HIVEP3: variants seen among roughly 807,000 people sequenced by gnomAD.
HIVEP3 encodes transcription factor HIVEP3.
In HIVEP3, 49 loss-of-function variants were observed where a neutral mutation model predicts 152.8. The observed-to-expected ratio is 0.32, with a 90% CI of 0.26 to 0.41. The LOEUF (loss-of-function observed/expected upper bound fraction) is 0.41, where lower values mean the gene tolerates loss of function less well. Ranked by LOEUF, HIVEP3 falls within the 10% of genes least tolerant of loss-of-function variation. The pLI, the probability that HIVEP3 is intolerant of heterozygous loss-of-function variation, is 1.00. For synonymous variants in HIVEP3, 1,269 were observed against 1,289.0 expected (o/e 0.98, Z 0.33); for missense variants, 2,790 against 3,103.3 (o/e 0.90, Z 2.40).
chr1:41,571,156 C>T (rs1193238147), intron 5 of HIVEP3, among the ~76,000 whole-genome samples: 1 of 152,118 alleles, frequency 6.6e-6, no homozygotes, highest in African/African-American at 2.4e-5. Context: ...CTTATCATTC[C>T]CTTCGGACAT....
chr1:41,550,594 C>T (rs1643884090), intron 5 of HIVEP3, among the ~76,000 whole-genome samples: 1 of 152,110 alleles, frequency 6.6e-6, no homozygotes, highest in Non-Finnish European at 1.5e-5. Context: ...CCTTCACATC[C>T]CTTGTAGGTT....
At chr1:41,961,557 A>G (rs1043190748) in intron 1 of HIVEP3, among the ~76,000 whole-genome samples, 11 of 152,266 alleles carry the variant, frequency 7.2e-5, no homozygotes, top group Admixed American at 6.5e-4. Context: ...CTGACCTGGA[A>G]AAAACCTGCA....
chr1:41,802,207 T>C (rs999195114), intron 1 of HIVEP3, among the ~76,000 whole-genome samples: 2 of 152,154 alleles, frequency 1.3e-5, no homozygotes, highest in Admixed American at 1.3e-4. Context: ...TTTGGGAGTT[T>C]TTCCAAGCTT....
Position 41,802,975 on chromosome 1 carries a change from G to T in HIVEP3, c.-800-101980C>A, listed in dbSNP as rs567042187. Among the ~76,000 whole-genome samples the T allele has an allele frequency of 4.6e-5, 7 of 152,312 alleles. No individual in the cohort carries two copies. In the East Asian group the frequency reaches 1.4e-3, roughly 29 times the overall value. On this transcript the variant is annotated intron_variant, in intron 1 of 8. Transcript: ENST00000372583. ...CGCTCAGAAACCCTAGGAAGCAGCT[G>T]GCAGGGTGCCCCCACTCCCTGCCCC...
intron 1 of HIVEP3, among the ~76,000 whole-genome samples, chr1:41,942,479 C>T (rs1645050569): frequency 6.6e-6 from 1 of 152,218 alleles, no homozygotes; most frequent in Non-Finnish European, 1.5e-5. Flanking sequence ...ACTGGCATGA[C>T]TGTGAAGAGT....
rs374445017 is a variant in HIVEP3 at position 41,524,978 on chromosome 1, C to T, written c.5208-68G>A. The T allele has an allele frequency of 1.1e-4, 154 of 1,400,482 alleles. 1 individual carries two copies. In the East Asian group the frequency reaches 3.0e-3, roughly 27 times the overall value. 86.8% of individuals were successfully genotyped at this position (1,400,482 alleles called of 1,614,324 possible). ...AGAGGCAGGTTCCCACCTCAGAAGA[C>T]GCACGCGCTTCCTAGATTCATCCAG... On this transcript the variant is annotated intron_variant, in intron 5 of 8. Transcript: ENST00000372583.
At chr1:41,790,336 A>G (rs1360743971) in intron 1 of HIVEP3, among the ~76,000 whole-genome samples, 1 of 152,140 alleles carries the variant, frequency 6.6e-6, no homozygotes, top group African/African-American at 2.4e-5. Flanking sequence ...TTTGCCCTCT[A>G]CCATGAGTGG....
intron 6 of HIVEP3, among the ~76,000 whole-genome samples, chr1:41,518,757 G>A (rs1454166690): frequency 1.3e-5 from 2 of 151,992 alleles, no homozygotes; most frequent in Admixed American, 1.3e-4. Flanking sequence ...TAATGAGGAA[G>A]TGAGATGCTG....
intron 1 of HIVEP3, among the ~76,000 whole-genome samples, chr1:41,722,470 C>G (rs932017373): frequency 3.8e-5 from 4 of 105,676 alleles, no homozygotes; most frequent in Admixed American, 3.6e-4. Flanking sequence ...CCTTCCTCCC[C>G]TTCCCTCTCC....
chr1:41,694,958 G>A (rs1362197520), intron 2 of HIVEP3, among the ~76,000 whole-genome samples: 1 of 152,178 alleles, frequency 6.6e-6, no homozygotes, highest in Admixed American at 6.5e-5. Flanking sequence ...GACCACCAGA[G>A]TCTGGGAGGT....
chr1:41,736,208 G>A (rs710237), intron 1 of HIVEP3, among the ~76,000 whole-genome samples: 24,202 of 152,168 alleles, frequency 0.16, 5,580 homozygotes, highest in African/African-American at 0.5. Flanking sequence ...AGGAGTGCCC[G>A]GGCTTCATGC....
rs753050470 is a variant in HIVEP3 at position 41,580,715 on chromosome 1, G to C, written c.4083C>G (p.Pro1361=). The change falls in exon 4 of 9, where the codon CCC becomes CCG. Residue 1361 remains proline (P), a synonymous_variant. Coordinates refer to ENST00000372583, the MANE Select transcript of HIVEP3 (RefSeq NM_024503.5). The part of the protein sequence containing the change: ...ATVALPKFEE[P]PSKGTTVCGA... ...CACATACAGTCGTCCCCTTTGATGG[G>C]GGTTCCTCAAACTTGGGAAGTGCCA... The C allele has an allele frequency of 3.1e-6, 5 of 1,595,518 alleles. No individual in the cohort carries two copies. Among genetic ancestry groups the C allele is most frequent in the South Asian group, 1.1e-5 (1 of 87,284 alleles).
chr1:41,922,932 T>C (rs1644948984), upstream of HIVEP3, among the ~76,000 whole-genome samples: 1 of 152,064 alleles, frequency 6.6e-6, no homozygotes, highest in Non-Finnish European at 1.5e-5. Flanking sequence ...CAAGACCACA[T>C]TAAAATGAAA....
intron 1 of HIVEP3, among the ~76,000 whole-genome samples, chr1:42,007,454 G>A (rs536236061): frequency 5.1e-4 from 77 of 152,312 alleles, no homozygotes; most frequent in African/African-American, 1.3e-3. Flanking sequence ...ATTGAAGGCA[G>A]CACAGTCTCT....
At chr1:41,562,158 T>G (rs1370602573) in intron 5 of HIVEP3, among the ~76,000 whole-genome samples, 1 of 152,248 alleles carries the variant, frequency 6.6e-6, no homozygotes, top group African/African-American at 2.4e-5. Context: ...TGTCATTATC[T>G]CTATTTAGAT....
chr1:41,677,842 A>G (rs777425209), intron 2 of HIVEP3, among the ~76,000 whole-genome samples: 2 of 152,214 alleles, frequency 1.3e-5, no homozygotes, highest in African/African-American at 4.8e-5. Context: ...GTCACCAAGG[A>G]AAGGGGCCTG....
intron 5 of HIVEP3, among the ~76,000 whole-genome samples, chr1:41,527,869 C>T (rs1270834563): frequency 5.1e-5 from 7 of 138,106 alleles, no homozygotes; most frequent in African/African-American, 1.1e-4. Context: ...ACACCCCTGT[C>T]GTCACACATT....
chr1:41,696,036 A>T (rs1646268870), intron 2 of HIVEP3, among the ~76,000 whole-genome samples: 1 of 152,196 alleles, frequency 6.6e-6, no homozygotes, highest in African/African-American at 2.4e-5. Flanking sequence ...CATCTATCAG[A>T]CAGGAATACT....
At chr1:42,020,694 T>C (rs543065076) in intron 1 of HIVEP3, among the ~76,000 whole-genome samples, 2 of 152,324 alleles carry the variant, frequency 1.3e-5, no homozygotes, top group African/African-American at 4.8e-5. Context: ...ATTCCAATGT[T>C]AGGAATATAC....
Sources: allele counts gnomAD v4.1 joint callset (sites outside exome capture counted in the v4.1 genomes callset), GRCh38; gene constraint gnomAD v4.1.1; transcripts MANE v1.5; gene names NCBI Gene and HGNC (gene_info 2026-07-23, HGNC 2026-07-21).